Variants in HDAC9 observed in about 807,000 individuals in gnomAD.
HDAC9 encodes histone deacetylase 9.
In HDAC9, 41 loss-of-function variants were observed where a neutral mutation model predicts 139.4. That is an observed-to-expected ratio of 0.29 (90% CI 0.23 to 0.38). HDAC9 has a LOEUF of 0.38. HDAC9 is among the 10% of genes least tolerant of loss of function. The probability of loss-of-function intolerance (pLI) is 1.00; values close to 1 mark genes in which losing one functional copy is unlikely to be tolerated. For missense variants in HDAC9, 1,147 were observed against 1,297.0 expected, an observed-to-expected ratio of 0.88 and a Z score of 1.78; for synonymous variants, 517 against 476.2, an observed-to-expected ratio of 1.09 and a Z score of -1.12.
intron 1 of HDAC9, among the ~76,000 whole-genome samples, chr7:18,101,544 T>A (rs2128071500): frequency 6.6e-6 from 1 of 152,352 alleles, no homozygotes; most frequent in Admixed American, 6.5e-5. Flanking sequence ...ACCTTGTTGG[T>A]CAATATCATT....
chr7:18,453,532 A>G (rs1433230460), intron 1 of HDAC9, among the ~76,000 whole-genome samples: 1 of 152,208 alleles, frequency 6.6e-6, no homozygotes, highest in Non-Finnish European at 1.5e-5. Flanking sequence ...GAAAAGAATT[A>G]GTAGTGCTTA....
chr7:18,099,669 A>G (rs565528340), intron 1 of HDAC9, among the ~76,000 whole-genome samples: 8 of 152,320 alleles, frequency 5.3e-5, no homozygotes, highest in African/African-American at 1.9e-4. Flanking sequence ...AGTGTAGGCC[A>G]AATGGAATAG....
chr7:18,484,647 C>T (rs1049380406), intron 1 of HDAC9, among the ~76,000 whole-genome samples: 1 of 152,076 alleles, frequency 6.6e-6, no homozygotes, highest in African/African-American at 2.4e-5. Context: ...TTTCGTTTAA[C>T]TAGGCCTCGG....
intron 25 of HDAC9, among the ~76,000 whole-genome samples, chr7:18,993,632 T>A (rs1223294759): frequency 3.4e-5 from 4 of 117,928 alleles, no homozygotes; most frequent in African/African-American, 1.7e-4. Context: ...CAAGACCCCA[T>A]CTATAATTAT....
At chr7:18,904,468 C>T (rs188379265) in intron 22 of HDAC9, among the ~76,000 whole-genome samples, 13 of 150,726 alleles carry the variant, frequency 8.6e-5, no homozygotes, top group Non-Finnish European at 1.5e-5. Flanking sequence ...TGTTATAAAA[C>T]ATTTAGATCC....
At chr7:18,601,171 T>A (rs1833836067) in intron 6 of HDAC9, among the ~76,000 whole-genome samples, 2 of 152,244 alleles carry the variant, frequency 1.3e-5, no homozygotes, top group Non-Finnish European at 2.9e-5. Flanking sequence ...CTAGTTTTTC[T>A]CATTTACATC....
rs117040100 is a variant in HDAC9 at position 18,873,110 on chromosome 7, C to A, written c.2685-1368C>A. On this transcript the variant is annotated intron_variant, in intron 21 of 25. Coordinates refer to ENST00000686413, the MANE Select transcript of HDAC9 (RefSeq NM_178425.4). ...ATTTATTATGTGTGACACTTAATGA[C>A]AACCATAATGTAAGGTTTGTAATTA... Among the ~76,000 whole-genome samples, 35 of 152,194 alleles carry A rather than the reference C, an allele frequency of 2.3e-4. 1 individual carries two copies. In the East Asian group the frequency reaches 6.8e-3, roughly 29 times the overall value.
chr7:18,539,988 T>C (rs1812228414), intron 2 of HDAC9, among the ~76,000 whole-genome samples: 1 of 151,058 alleles, frequency 6.6e-6, no homozygotes, highest in East Asian at 1.9e-4. Flanking sequence ...CCGGGCACGG[T>C]GGCTCATGTC....
chr7:18,219,557 A>G (rs1176428411), intron 2 of HDAC9, among the ~76,000 whole-genome samples: 1 of 152,128 alleles, frequency 6.6e-6, no homozygotes, highest in Non-Finnish European at 1.5e-5. Context: ...ACATTTGTCA[A>G]GGAATAAAAT....
chr7:18,340,767 A>G (rs1781945079), intron 1 of HDAC9, among the ~76,000 whole-genome samples: 1 of 151,756 alleles, frequency 6.6e-6, no homozygotes, highest in South Asian at 2.1e-4. Context: ...TAGATATTTA[A>G]ATAATTAAAA....
intron 16 of HDAC9, among the ~76,000 whole-genome samples, chr7:18,786,843 C>CCTT (rs200457729): frequency 6.5e-3 from 788 of 121,520 alleles, no homozygotes; most frequent in African/African-American, 0.03. Flanking sequence ...TTCATTCCTT[C>CCTT]CTTCCTTCCT....
At position 18,835,975 on chromosome 7, in the gene HDAC9, G is replaced by A. The variant is rs774655019; in HGVS notation, c.2662G>A (p.Val888Ile). 3 of 1,563,754 alleles carry A rather than the reference G, an allele frequency of 1.9e-6. No individual in the cohort carries two copies. Residue 888 changes from valine to isoleucine, a missense_variant, in exon 21 of 26, where the codon GTT becomes ATT. This residue lies in a region of HDAC9 where 407 missense variants were observed against 521.5 expected (regional missense o/e 0.78). Coordinates refer to ENST00000686413, the MANE Select transcript of HDAC9 (RefSeq NM_178425.4). ...TGGCCTTGATCCTCCCATGGGAGAT[G>A]TTGAGTACCTTGAAGCATTCAGGTT... is the stretch of plus-strand genomic sequence containing the variant. ...TGGLDPPMGDVEYLEAFRTIV... is the reference protein window; with the variant it reads ...TGGLDPPMGDIEYLEAFRTIV...
chr7:18,158,575 T>G (rs1297893118), intron 1 of HDAC9, among the ~76,000 whole-genome samples: 1 of 152,318 alleles, frequency 6.6e-6, no homozygotes, highest in Middle Eastern at 3.4e-3. Context: ...AACAAATCCC[T>G]GAACCTCTTT....
intron 1 of HDAC9, among the ~76,000 whole-genome samples, chr7:18,103,219 A>C (rs750472522): frequency 6.6e-6 from 1 of 152,158 alleles, no homozygotes; most frequent in South Asian, 2.1e-4. Flanking sequence ...CACATGATTC[A>C]ATTATCTCCA....
chr7:18,226,238 T>G (rs972152836), intron 2 of HDAC9, among the ~76,000 whole-genome samples: 1 of 152,160 alleles, frequency 6.6e-6, no homozygotes, highest in Non-Finnish European at 1.5e-5. Context: ...ATGTTTCTTG[T>G]CTCAAGGAGC....
chr7:18,277,794 A>G (rs1453993523), intron 2 of HDAC9, among the ~76,000 whole-genome samples: 2 of 152,240 alleles, frequency 1.3e-5, no homozygotes, highest in Non-Finnish European at 2.9e-5. Flanking sequence ...TGGTTAGTCA[A>G]TTTACTAATT....
At chr7:18,865,478 T>G (rs932867885) in intron 21 of HDAC9, among the ~76,000 whole-genome samples, 3 of 152,184 alleles carry the variant, frequency 2.0e-5, no homozygotes, top group African/African-American at 7.2e-5. Flanking sequence ...CTTATTCAGG[T>G]CTGGGCTGGT....
At chr7:18,595,185 A>G (rs1057332137) in intron 6 of HDAC9, among the ~76,000 whole-genome samples, 4 of 152,068 alleles carry the variant, frequency 2.6e-5, no homozygotes, top group African/African-American at 9.7e-5. Context: ...AACTATTGCA[A>G]AACAACCTGT....
chr7:18,666,546 G>T lies in HDAC9; in HGVS notation c.1731+70G>T, dbSNP rs752011402. 8 of 1,554,242 alleles carry T rather than the reference G, an allele frequency of 5.1e-6. No individual in the cohort carries two copies. In the South Asian group the frequency reaches 6.0e-5, roughly 12 times the overall value. ...TATCTGAACATGAAATGCATTGCAG[G>T]TTTGGTAAATGGATATGATTTCCTA... is the stretch of plus-strand genomic sequence containing the variant. On this transcript the variant is annotated intron_variant, in intron 12 of 25. Coordinates refer to ENST00000686413, the MANE Select transcript of HDAC9 (RefSeq NM_178425.4).
Sources: gnomAD v4.1 joint callset for allele counts (sites outside exome capture counted in the v4.1 genomes callset) on GRCh38, gnomAD v4.1.1 for gene constraint, gnomAD v4.1.1 regional missense constraint, MANE v1.5 for transcripts, NCBI Gene and HGNC (gene_info 2026-07-23, HGNC 2026-07-21) for gene names.